ZMYND11: variants seen among roughly 807,000 people sequenced by gnomAD.
ZMYND11 encodes the protein zinc finger MYND-type containing 11.
A neutral mutation model predicts 84.9 loss-of-function variants in ZMYND11; 9 were observed. The ratio of observed to expected loss-of-function variants is 0.11; its 90% CI spans 0.06 to 0.18. The LOEUF is 0.18. ZMYND11 is among the 10% of genes least tolerant of loss of function. ZMYND11 has a pLI of 1.00. For synonymous variants in ZMYND11, 250 were observed against 244.1 expected (o/e 1.02, Z -0.23); for missense variants, 409 against 761.0 (o/e 0.54, Z 5.44).
intron 1 of ZMYND11, among the ~76,000 whole-genome samples, chr10:167,206 A>G (rs149461035): frequency 1.8e-4 from 27 of 152,260 alleles, no homozygotes; most frequent in African/African-American, 6.0e-4. Context: ...GTGCTGCCAG[A>G]TTGTGTACTC....
chr10:227,236 T>C (rs1468615915), intron 4 of ZMYND11, among the ~76,000 whole-genome samples: 1 of 152,212 alleles, frequency 6.6e-6, no homozygotes, highest in Non-Finnish European at 1.5e-5. Flanking sequence ...AGCTGTTTGG[T>C]GGTTCTTCCA....
intron 1 of ZMYND11, among the ~76,000 whole-genome samples, chr10:140,190 G>C (rs532370496): frequency 6.6e-6 from 1 of 152,194 alleles, no homozygotes; most frequent in Non-Finnish European, 1.5e-5. Flanking sequence ...TAACATAAAA[G>C]TTTGAGAGTC....
At chr10:198,051 AT>A in intron 2 of ZMYND11, 1 of 555,034 alleles carries the variant, frequency 1.8e-6, no homozygotes, top group Non-Finnish European at 3.2e-6. Context: ...GATAGGTCTA[AT>A]TTAATAATGT....
intron 2 of ZMYND11, among the ~76,000 whole-genome samples, chr10:187,007 C>T (rs530787038): frequency 1.4e-3 from 214 of 152,086 alleles, no homozygotes; most frequent in Admixed American, 3.5e-3. Context: ...ATTGGGGGAT[C>T]GCTTGAGAGT....
At chr10:189,232 C>T (rs1939652929) in intron 2 of ZMYND11, among the ~76,000 whole-genome samples, 1 of 152,232 alleles carries the variant, frequency 6.6e-6, no homozygotes, top group African/African-American at 2.4e-5. Flanking sequence ...AAGTCCTCAT[C>T]ACGTGCAGGT....
intron 3 of ZMYND11, among the ~76,000 whole-genome samples, chr10:220,194 A>G (rs578177887): frequency 1.3e-5 from 2 of 152,292 alleles, no homozygotes; most frequent in East Asian, 3.9e-4. Flanking sequence ...TTATAGAAAT[A>G]AAATTGATGG....
chr10:177,048 T>C (rs1554767109), intron 1 of ZMYND11, among the ~76,000 whole-genome samples: 1 of 152,222 alleles, frequency 6.6e-6, no homozygotes, highest in African/African-American at 2.4e-5. Flanking sequence ...TTCTTATATC[T>C]AGTCACATCA....
intron 2 of ZMYND11, among the ~76,000 whole-genome samples, chr10:202,065 C>A (rs1588908118): frequency 6.6e-6 from 1 of 152,074 alleles, no homozygotes; most frequent in East Asian, 1.9e-4. Flanking sequence ...ATGATGCAAA[C>A]CTGCCTGAGT....
At chr10:234,075 AGTT>A (rs1949484776) in intron 4 of ZMYND11, among the ~76,000 whole-genome samples, 1 of 152,254 alleles carries the variant, frequency 6.6e-6, no homozygotes, top group African/African-American at 2.4e-5. Context: ...AGAACAATCT[AGTT>A]AAGATGTTTT....
chr10:185,561 C>T (rs983671661), intron 2 of ZMYND11, among the ~76,000 whole-genome samples: 2 of 149,186 alleles, frequency 1.3e-5, no homozygotes, highest in Admixed American at 6.7e-5. Flanking sequence ...TGCCTATAAT[C>T]CCAGCACTTT....
intron 1 of ZMYND11, among the ~76,000 whole-genome samples, chr10:139,704 CTTTTTTTTTTTTTT>C (rs67915368): frequency 1.2e-5 from 1 of 80,238 alleles, no homozygotes; most frequent in South Asian, 5.9e-4. Flanking sequence ...ACACATGGTC[CTTTTTTTTTTTTTT>C]TTTTTTTTTT....
chr10:167,105 T>G (rs1554764090), intron 1 of ZMYND11, among the ~76,000 whole-genome samples: 1 of 152,052 alleles, frequency 6.6e-6, no homozygotes, highest in Non-Finnish European at 1.5e-5. Context: ...TGGGGAAGTA[T>G]TATTTAATGG....
At chr10:130,991 C>T (rs1484231507), upstream of ZMYND11, among the ~76,000 whole-genome samples, 1 of 152,128 alleles carries the variant, frequency 6.6e-6, no homozygotes, top group Non-Finnish European at 1.5e-5. Context: ...GTGGCATGCA[C>T]CTGTGGTCCC....
rs147441773 is a variant in ZMYND11 at position 170,431 on chromosome 10, CGTGT to C, written c.-19-9541_-19-9538del. On this transcript the variant is annotated intron_variant, in intron 1 of 14. Coordinates refer to ENST00000381604, the MANE Select transcript of ZMYND11 (RefSeq NM_001370100.5). ...GTAACTGTGTATTTGATTATGTGTG[CGTGT>C]GTGTGTGTGTGTGTGTGTGTGCGTG... Among the ~76,000 whole-genome samples, 848 of 147,806 alleles carry C rather than the reference CGTGT, an allele frequency of 5.7e-3. 7 individuals carry two copies. Among genetic ancestry groups the C allele is most frequent in the African/African-American group, 0.019 (760 of 40,404 alleles).
At chr10:130,456 TC>T (rs1380350502), upstream of ZMYND11, among the ~76,000 whole-genome samples, 1 of 152,214 alleles carries the variant, frequency 6.6e-6, no homozygotes, top group Non-Finnish European at 1.5e-5. Context: ...CGTTTAATAT[TC>T]ATCATTACCA....
At chr10:238,222 ACATATTTGCAGTCAG>A (rs1400317528) in intron 6 of ZMYND11, among the ~76,000 whole-genome samples, 1 of 152,244 alleles carries the variant, frequency 6.6e-6, no homozygotes, top group Non-Finnish European at 1.5e-5. Flanking sequence ...GAACACGTAG[ACATATTTGCAGTCAG>A]GGTTACTGAA....
intron 2 of ZMYND11, among the ~76,000 whole-genome samples, chr10:182,099 T>C (rs546145277): frequency 6.6e-6 from 1 of 152,338 alleles, no homozygotes; most frequent in Admixed American, 6.5e-5. Context: ...ATCTGTAGCA[T>C]GTTTCTCTAG....
chr10:219,595 C>A (rs969166689), intron 3 of ZMYND11, among the ~76,000 whole-genome samples: 1 of 152,052 alleles, frequency 6.6e-6, no homozygotes, highest in African/African-American at 2.4e-5. Context: ...TACATATGAG[C>A]CCATCTCAAA....
intron 2 of ZMYND11, among the ~76,000 whole-genome samples, chr10:199,007 A>G (rs1320378852): frequency 1.3e-5 from 2 of 152,104 alleles, no homozygotes; most frequent in Non-Finnish European, 2.9e-5. Context: ...GTTCTTGCCA[A>G]GGCTCCCTTT....
Sources: gnomAD v4.1 joint callset for allele counts (sites outside exome capture counted in the v4.1 genomes callset) on GRCh38, gnomAD v4.1.1 for gene constraint, MANE v1.5 for transcripts, NCBI Gene and HGNC (gene_info 2026-07-23, HGNC 2026-07-21) for gene names.